Variants in WDFY4 observed in about 807,000 individuals in gnomAD.
The protein encoded by WDFY4 is WDFY family member 4.
Under a neutral mutation model 351.9 loss-of-function variants are expected in WDFY4, and 169 were observed. The observed-to-expected ratio is 0.48, with a 90% confidence interval of 0.42 to 0.55. The LOEUF is 0.55. Ranked by LOEUF, WDFY4 falls within the 20% of genes least tolerant of loss-of-function variation. The pLI is 0.00. For missense variants in WDFY4, 3,803 were observed against 3,935.6 expected (o/e 0.97, Z 0.90); for synonymous variants, 1,622 against 1,574.6 (o/e 1.03, Z -0.71).
intron 27 of WDFY4, 73 bp downstream of exon 27, chr10:48,806,168 A>AGAGG: frequency 6.9e-7 from 1 of 1,458,420 alleles, no homozygotes; most frequent in South Asian, 1.2e-5. Context: ...CACATTGTGC[A>AGAGG]GAGGGAGGGG....
chr10:48,770,149 G>A (rs970374672), intron 13 of WDFY4, among the ~76,000 whole-genome samples: 3 of 152,216 alleles, frequency 2.0e-5, no homozygotes, highest in Non-Finnish European at 4.4e-5. Flanking sequence ...TATTGACAGA[G>A]CTGCAGTGAT....
chr10:48,844,213 G>A lies in WDFY4; in HGVS notation c.6663+11504G>A, dbSNP rs1200703976. 2.0e-5 allele frequency among the ~76,000 whole-genome samples: 3 copies of A among 152,300 alleles called. No homozygotes were observed. In the East Asian group the frequency reaches 5.8e-4, roughly 29 times the overall value. On this transcript the variant is annotated intron_variant, in intron 39 of 61. Coordinates refer to ENST00000325239, the MANE Select transcript of WDFY4 (RefSeq NM_001394531.1). ...TCTTCTCTTCGTTGTTGTTGATGGG[G>A]GTTGATGTAAACTTGGCTCTTGGGC...
chr10:48,858,369 G>A (rs1433207474), intron 39 of WDFY4, among the ~76,000 whole-genome samples: 1 of 152,022 alleles, frequency 6.6e-6, no homozygotes, highest in African/African-American at 2.4e-5. Flanking sequence ...TAAAGTCTGT[G>A]GTCCATTTTG....
intron 1 of WDFY4, among the ~76,000 whole-genome samples, chr10:48,686,676 A>G (rs2063059678): frequency 6.6e-6 from 1 of 152,244 alleles, no homozygotes; most frequent in Non-Finnish European, 1.5e-5. Context: ...ATATTGTTGC[A>G]TGTACCTGTA....
chr10:48,807,462 GAA>G (rs1589659001), intron 27 of WDFY4, among the ~76,000 whole-genome samples: 1 of 152,134 alleles, frequency 6.6e-6, no homozygotes, highest in Non-Finnish European at 1.5e-5. Context: ...TTGAAAGCAG[GAA>G]CAAAGAGAAC....
At position 48,774,580 on chromosome 10, in the gene WDFY4, G is replaced by A; in HGVS notation, c.2676G>A (p.Arg892=). The change falls in exon 14 of 62, where the codon AGG becomes AGA. Residue 892 remains arginine, a synonymous_variant. Transcript: ENST00000325239. ...GGACCCTCATGGCCTCCTGCCACAGGGCCCTGGTCACCAGTGGCAGCCCCC... is the reference window on the plus strand; with the variant it reads ...GGACCCTCATGGCCTCCTGCCACAGAGCCCTGGTCACCAGTGGCAGCCCCC... ...LLGTLMASCH[R]ALVTSGSPLH... The A allele has an allele frequency of 1.3e-6, 2 of 1,551,662 alleles. No individual in the cohort carries two copies. Among genetic ancestry groups the A allele is most frequent in the Non-Finnish European group, 1.7e-6 (2 of 1,146,974 alleles).
At chr10:48,692,974 G>A (rs1298568493) in intron 1 of WDFY4, among the ~76,000 whole-genome samples, 1 of 152,218 alleles carries the variant, frequency 6.6e-6, no homozygotes, top group East Asian at 1.9e-4. Context: ...GAGGGGGGCA[G>A]CCATGAGCTG....
At chr10:48,825,809 G>T (rs10857654) in intron 35 of WDFY4, among the ~76,000 whole-genome samples, 19,804 of 151,814 alleles carry the variant, frequency 0.13, 1,397 homozygotes, top group Middle Eastern at 0.2. Context: ...GGGTCGTTTG[G>T]TTTTTTCTTA....
chr10:48,743,438 C>A lies in WDFY4; in HGVS notation c.2349C>A (p.Asp783Glu), dbSNP rs1369210699. Residue 783 changes from aspartate (D) to glutamate (E), a missense_variant, in exon 12 of 62, where the codon GAC becomes GAA. This residue lies in a region of WDFY4 where 3,054 missense variants were observed against 3,148.6 expected (regional missense o/e 0.97). Coordinates refer to ENST00000325239, the MANE Select transcript of WDFY4 (RefSeq NM_001394531.1). ...GCGGCACCCTCCACTTGCGTGGGGACCTGAAGGAGTCCCTGAGGACCAAGC... is the reference window on the plus strand; with the variant it reads ...GCGGCACCCTCCACTTGCGTGGGGAACTGAAGGAGTCCCTGAGGACCAAGC... ...MASGTLHLRG[D>E]LKESLRTKQG... is the part of the protein sequence containing the mutation. 6.4e-7 allele frequency: 1 copy of A among 1,550,910 alleles called. No individual in the cohort carries two copies. Among genetic ancestry groups the A allele is most frequent in the Non-Finnish European group, 8.7e-7 (1 of 1,146,982 alleles).
intron 51 of WDFY4, among the ~76,000 whole-genome samples, chr10:48,948,014 T>C (rs1300521750): frequency 6.6e-6 from 1 of 152,130 alleles, no homozygotes; most frequent in Non-Finnish European, 1.5e-5. Flanking sequence ...GGTCACTCTT[T>C]ATGGTCACTC....
chr10:48,711,716 C>CA (rs1260389514), intron 2 of WDFY4, among the ~76,000 whole-genome samples: 1 of 152,228 alleles, frequency 6.6e-6, no homozygotes, highest in Admixed American at 6.5e-5. Flanking sequence ...AGAGGTGACA[C>CA]ACCACCCTCA....
At chr10:48,782,147 A>G (rs879686370) in intron 19 of WDFY4, among the ~76,000 whole-genome samples, 1 of 152,250 alleles carries the variant, frequency 6.6e-6, no homozygotes, top group Admixed American at 6.5e-5. Context: ...TGGACTTATC[A>G]TTAGAGAGGA....
In WDFY4 at chr10:48,796,290, C is replaced by T; in HGVS notation, c.4258-8C>T. 2.1e-5 allele frequency: 32 copies of T among 1,550,890 alleles called. No individual in the cohort carries two copies. The highest frequency in any genetic ancestry group is 2.8e-5 in the Non-Finnish European group (32 of 1,146,416). On this transcript the variant is annotated splice_polypyrimidine_tract_variant and splice_region_variant and intron_variant, in intron 23 of 61. Coordinates refer to ENST00000325239, the MANE Select transcript of WDFY4 (RefSeq NM_001394531.1). ...CATGAGGAAACTGCTTTGTGTTAAC[C>T]TTTTCAGATAATGGCGTTTCTCCTG...
At chr10:48,837,240 G>A (rs1296002995) in intron 39 of WDFY4, among the ~76,000 whole-genome samples, 1 of 152,010 alleles carries the variant, frequency 6.6e-6, no homozygotes, top group African/African-American at 2.4e-5. Flanking sequence ...GCTGAGTCTG[G>A]GAGGAGGAAG....
chr10:48,802,346 A>G (rs1309787073), intron 24 of WDFY4, among the ~76,000 whole-genome samples: 1 of 152,228 alleles, frequency 6.6e-6, no homozygotes, highest in African/African-American at 2.4e-5. Flanking sequence ...ACTGCGCTCC[A>G]GCTTGGGTCT....
chr10:48,822,285 A>T, intron 34 of WDFY4, 95 bp from the exon 35 acceptor site: 1 of 1,329,602 alleles, frequency 7.5e-7, no homozygotes. Flanking sequence ...CACAGAGGTG[A>T]ATAAGATGCA....
At chr10:48,958,353 G>A (rs1260938919) in intron 52 of WDFY4, among the ~76,000 whole-genome samples, 1 of 152,200 alleles carries the variant, frequency 6.6e-6, no homozygotes, top group Non-Finnish European at 1.5e-5. Flanking sequence ...CCCAAAGCGT[G>A]AGGAGTCCCA....
At chr10:48,870,590 TC>T (rs1161932937) in intron 40 of WDFY4, among the ~76,000 whole-genome samples, 2 of 151,246 alleles carry the variant, frequency 1.3e-5, no homozygotes, top group African/African-American at 2.4e-5. Flanking sequence ...ATTGTAGTTG[TC>T]CCCCAACATA....
chr10:48,950,388 T>C (rs1027560158), intron 51 of WDFY4, among the ~76,000 whole-genome samples: 1 of 152,204 alleles, frequency 6.6e-6, no homozygotes, highest in Non-Finnish European at 1.5e-5. Context: ...TACGGCTGAG[T>C]CTGCGCCCCT....
Sources: gnomAD v4.1 joint callset for allele counts (sites outside exome capture counted in the v4.1 genomes callset) on GRCh38, gnomAD v4.1.1 for gene constraint, gnomAD v4.1.1 regional missense constraint, MANE v1.5 for transcripts, NCBI Gene and HGNC (gene_info 2026-07-23, HGNC 2026-07-21) for gene names.